KCNH1: variants seen among roughly 807,000 people sequenced by gnomAD.
KCNH1 encodes the protein potassium voltage-gated channel subfamily H member 1, also known as voltage-gated delayed rectifier potassium channel KCNH1.
In KCNH1, 27 loss-of-function variants were observed where a neutral mutation model predicts 69.2. The observed-to-expected ratio is 0.39, with a 90% CI of 0.29 to 0.54. KCNH1 has a LOEUF of 0.54. Ranked by LOEUF, KCNH1 falls within the 20% of genes least tolerant of loss-of-function variation. KCNH1 has a pLI of 0.68. For missense variants in KCNH1, 798 were observed against 1,261.6 expected, an observed-to-expected ratio of 0.63 and a Z score of 5.57; for synonymous variants, 456 against 487.7, an observed-to-expected ratio of 0.93 and a Z score of 0.86.
intron 6 of KCNH1, among the ~76,000 whole-genome samples, chr1:211,016,974 A>C (rs1446535165): frequency 6.6e-6 from 1 of 151,816 alleles, no homozygotes; most frequent in Non-Finnish European, 1.5e-5. Context: ...CGTTCATATT[A>C]GGTATGATTC....
chr1:211,098,219 G>T (rs1469786146), intron 3 of KCNH1, among the ~76,000 whole-genome samples: 1 of 151,784 alleles, frequency 6.6e-6, no homozygotes, highest in Non-Finnish European at 1.5e-5. Flanking sequence ...TACTTGGGTG[G>T]CTGAGATGGG....
At chr1:211,124,628 A>G (rs1419472204) in intron 1 of KCNH1, among the ~76,000 whole-genome samples, 3 of 151,268 alleles carry the variant, frequency 2.0e-5, no homozygotes, top group South Asian at 2.1e-4. Flanking sequence ...GAAAGAAAGA[A>G]AGAGAGAGAG....
chr1:210,836,139 A>T (rs1019218714), intron 7 of KCNH1, among the ~76,000 whole-genome samples: 1 of 139,084 alleles, frequency 7.2e-6, no homozygotes, highest in Admixed American at 7.2e-5. Flanking sequence ...AAAAATTTCT[A>T]TATTGGGCTT....
At chr1:210,789,095 C>T (rs1684165860) in intron 9 of KCNH1, among the ~76,000 whole-genome samples, 1 of 152,158 alleles carries the variant, frequency 6.6e-6, no homozygotes, top group African/African-American at 2.4e-5. Flanking sequence ...GTGACACTGA[C>T]ACATAGCCTT....
At chr1:210,780,777 G>A (rs958070781) in intron 9 of KCNH1, among the ~76,000 whole-genome samples, 2 of 152,228 alleles carry the variant, frequency 1.3e-5, no homozygotes, top group African/African-American at 4.8e-5. Context: ...GCCGGGCGCG[G>A]TGGCTCACGC....
chr1:210,719,117 A>G (rs181576604), intron 10 of KCNH1, among the ~76,000 whole-genome samples: 13 of 152,176 alleles, frequency 8.5e-5, no homozygotes, highest in Non-Finnish European at 1.8e-4. Context: ...AAATTAAATA[A>G]AATTAACAAG....
intron 4 of KCNH1, among the ~76,000 whole-genome samples, chr1:211,090,133 C>T (rs1277883782): frequency 2.0e-5 from 3 of 152,200 alleles, no homozygotes; most frequent in African/African-American, 7.2e-5. Context: ...CAAAGATGTG[C>T]TAAAGTCCGC....
intron 5 of KCNH1, among the ~76,000 whole-genome samples, chr1:211,056,223 C>G (rs556085381): frequency 1.1e-4 from 17 of 152,304 alleles, no homozygotes; most frequent in South Asian, 1.0e-3. Flanking sequence ...CATAAGTTGA[C>G]TAAAGAGCCC....
intron 6 of KCNH1, among the ~76,000 whole-genome samples, chr1:210,982,403 A>G (rs1033440270): frequency 7.9e-5 from 12 of 151,924 alleles, no homozygotes; most frequent in East Asian, 1.9e-4. Context: ...TATATCTCCA[A>G]TGCTATCCCT....
chr1:210,973,084 C>A (rs1436261184), intron 6 of KCNH1, among the ~76,000 whole-genome samples: 7 of 152,058 alleles, frequency 4.6e-5, no homozygotes, highest in Non-Finnish European at 2.9e-5. Flanking sequence ...CTGTAGCACC[C>A]ACATGCATAT....
intron 10 of KCNH1, among the ~76,000 whole-genome samples, chr1:210,753,520 C>T (rs1367331270): frequency 1.3e-5 from 2 of 152,176 alleles, no homozygotes; most frequent in East Asian, 1.9e-4. Flanking sequence ...GACACTTGTT[C>T]CTGGGCTCAG....
At chr1:211,082,964 T>A (rs997742404) in intron 4 of KCNH1, 66 bp from the exon 5 acceptor site, 2 of 1,299,398 alleles carry the variant, frequency 1.5e-6, no homozygotes, top group South Asian at 1.3e-5. Flanking sequence ...GACATTCACA[T>A]TACAAGTTAT....
intron 6 of KCNH1, among the ~76,000 whole-genome samples, chr1:210,925,864 T>G (rs758309693): frequency 5.9e-5 from 9 of 152,164 alleles, no homozygotes; most frequent in Admixed American, 5.2e-4. Context: ...ACCTGAATAC[T>G]TAACCAGGTG....
At chr1:210,761,059 C>G (rs530006140) in intron 10 of KCNH1, among the ~76,000 whole-genome samples, 2 of 150,998 alleles carry the variant, frequency 1.3e-5, no homozygotes, top group Admixed American at 1.3e-4. Flanking sequence ...GAGACCATCC[C>G]GGCTAAAATG....
At chr1:210,946,093 C>T (rs985166140) in intron 6 of KCNH1, among the ~76,000 whole-genome samples, 2 of 152,214 alleles carry the variant, frequency 1.3e-5, no homozygotes, top group African/African-American at 4.8e-5. Context: ...TAGCACTTCA[C>T]AGCTTACAAA....
At chr1:211,026,931 C>T (rs1207018927) in intron 5 of KCNH1, among the ~76,000 whole-genome samples, 1 of 152,158 alleles carries the variant, frequency 6.6e-6, no homozygotes, top group Non-Finnish European at 1.5e-5. Context: ...ATGTTTACCC[C>T]AACCTGGCAA....
intron 3 of KCNH1, among the ~76,000 whole-genome samples, chr1:211,099,063 T>G (rs191848662): frequency 3.9e-5 from 6 of 152,318 alleles, no homozygotes; most frequent in Admixed American, 3.9e-4. Context: ...TTTTTAATAA[T>G]GAAAATTGAG....
At chr1:211,032,496 A>G (rs528369878) in intron 5 of KCNH1, among the ~76,000 whole-genome samples, 3 of 152,320 alleles carry the variant, frequency 2.0e-5, no homozygotes, top group South Asian at 2.1e-4. Context: ...GCATCACGCT[A>G]CCTGACTTCA....
chr1:210,843,568 G>T (rs1685471662), intron 7 of KCNH1, among the ~76,000 whole-genome samples: 2 of 152,086 alleles, frequency 1.3e-5, no homozygotes, highest in African/African-American at 2.4e-5. Context: ...ACATACTAGG[G>T]CTAAACTGCC....
Sources: gnomAD v4.1 joint callset for allele counts (sites outside exome capture counted in the v4.1 genomes callset) on GRCh38, gnomAD v4.1.1 for gene constraint, MANE v1.5 for transcripts, NCBI Gene and HGNC (gene_info 2026-07-23, HGNC 2026-07-21) for gene names.